Variants in SKAP2 observed in about 807,000 individuals in gnomAD.
The protein encoded by SKAP2 is src kinase associated phosphoprotein 2, also known as src kinase-associated phosphoprotein 2.
SKAP2 carries 28 observed loss-of-function variants against 54.9 expected under a neutral mutation model. That is an observed-to-expected ratio of 0.51 (90% CI 0.38 to 0.70). The LOEUF (loss-of-function observed/expected upper bound fraction) is 0.70, where lower values mean the gene tolerates loss of function less well. Ranked by LOEUF, SKAP2 falls within the 30% of genes least tolerant of loss-of-function variation. The pLI, the probability that SKAP2 is intolerant of heterozygous loss-of-function variation, is 0.00. For synonymous variants in SKAP2, 137 were observed against 134.3 expected (o/e 1.02, Z -0.14); for missense variants, 356 against 424.1 (o/e 0.84, Z 1.41).
chr7:26,780,309 T>C (rs944380020), intron 4 of SKAP2, among the ~76,000 whole-genome samples: 2 of 152,142 alleles, frequency 1.3e-5, no homozygotes, highest in African/African-American at 4.8e-5. Context: ...TGTTTTATTC[T>C]GCTTAGTTCA....
intron 4 of SKAP2, among the ~76,000 whole-genome samples, chr7:26,795,992 C>CA (rs1783770103): frequency 6.6e-6 from 1 of 151,968 alleles, no homozygotes; most frequent in African/African-American, 2.4e-5. Flanking sequence ...TGAAAAAACT[C>CA]AGAGATGACC....
intron 11 of SKAP2, among the ~76,000 whole-genome samples, chr7:26,680,147 G>A (rs1786459233): frequency 6.6e-6 from 1 of 152,044 alleles, no homozygotes; most frequent in South Asian, 2.1e-4. Flanking sequence ...ATAGTTTATT[G>A]CTTTAAAAGT....
intron 4 of SKAP2, among the ~76,000 whole-genome samples, chr7:26,815,384 TTTAGGTGCATTC>T (rs1784244817): frequency 6.6e-6 from 1 of 152,082 alleles, no homozygotes; most frequent in Non-Finnish European, 1.5e-5. Context: ...ATAGGATTTG[TTTAGGTGCATTC>T]TACTTTTTTC....
At chr7:26,840,641 A>C (rs1030423089) in intron 4 of SKAP2, among the ~76,000 whole-genome samples, 1 of 152,078 alleles carries the variant, frequency 6.6e-6, no homozygotes, top group Non-Finnish European at 1.5e-5. Flanking sequence ...ATCCAGCCAC[A>C]TGATAGCATA....
intron 3 of SKAP2, among the ~76,000 whole-genome samples, chr7:26,844,930 T>C (rs1784893132): frequency 6.6e-6 from 1 of 152,188 alleles, no homozygotes; most frequent in Non-Finnish European, 1.5e-5. Context: ...CCACAAGATC[T>C]TGTGGTTTCA....
intron 9 of SKAP2, among the ~76,000 whole-genome samples, chr7:26,717,195 A>C (rs1787465639): frequency 6.6e-6 from 1 of 152,120 alleles, no homozygotes; most frequent in Admixed American, 6.5e-5. Flanking sequence ...GGAGAGAAAC[A>C]GGGGAAGTGG....
intron 3 of SKAP2, among the ~76,000 whole-genome samples, chr7:26,849,025 G>A (rs1000426704): frequency 6.6e-6 from 1 of 152,292 alleles, no homozygotes; most frequent in Admixed American, 6.5e-5. Context: ...GGCCAATGGT[G>A]GGGGTAGGTG....
intron 9 of SKAP2, among the ~76,000 whole-genome samples, chr7:26,719,339 G>T (rs559766556): frequency 2.0e-5 from 3 of 152,120 alleles, no homozygotes; most frequent in Non-Finnish European, 4.4e-5. Flanking sequence ...TCTAACTCCA[G>T]GGGCAGAGAT....
At chr7:26,789,685 G>C (rs540746732) in intron 4 of SKAP2, among the ~76,000 whole-genome samples, 1 of 152,062 alleles carries the variant, frequency 6.6e-6, no homozygotes, top group Non-Finnish European at 1.5e-5. Flanking sequence ...CTGTCAACTG[G>C]CTTGAATTCA....
chr7:26,806,253 T>A (rs548909379), intron 4 of SKAP2, among the ~76,000 whole-genome samples: 20 of 152,256 alleles, frequency 1.3e-4, no homozygotes, highest in Middle Eastern at 3.4e-3. Flanking sequence ...AAAGGAAGAA[T>A]CACACACCTC....
intron 4 of SKAP2, among the ~76,000 whole-genome samples, chr7:26,796,111 C>T (rs906482395): frequency 6.6e-6 from 1 of 152,124 alleles, no homozygotes; most frequent in Non-Finnish European, 1.5e-5. Context: ...ATACAAATAT[C>T]TATTATAAAA....
chr7:26,740,109 C>G (rs1782402035), intron 4 of SKAP2, 145 bp from the exon 5 acceptor site: 1 of 512,866 alleles, frequency 1.9e-6, no homozygotes, highest in Non-Finnish European at 3.4e-6. Context: ...CAGATCCATT[C>G]CCTAGATTAA....
intron 4 of SKAP2, among the ~76,000 whole-genome samples, chr7:26,776,584 T>A (rs1783314403): frequency 6.6e-6 from 1 of 152,118 alleles, no homozygotes; most frequent in South Asian, 2.1e-4. Flanking sequence ...AATCAGTCTC[T>A]AAGTCCCATC....
chr7:26,788,340 T>C (rs1250637044), intron 4 of SKAP2, among the ~76,000 whole-genome samples: 3 of 151,968 alleles, frequency 2.0e-5, no homozygotes, highest in East Asian at 3.9e-4. Flanking sequence ...AGAACCTTTC[T>C]ATCCCTTCAT....
intron 9 of SKAP2, among the ~76,000 whole-genome samples, chr7:26,717,509 CAAAAAAAAAAAAAAAAAA>C (rs58826714): frequency 0.16 from 3,681 of 23,398 alleles, 321 homozygotes; most frequent in African/African-American, 0.33. Context: ...GACCCCATCT[CAAAAAAAAAAAAAAAAAA>C]AAAAAAAAAA....
intron 11 of SKAP2, among the ~76,000 whole-genome samples, chr7:26,673,393 G>A (rs537105310): frequency 6.6e-6 from 1 of 152,128 alleles, no homozygotes; most frequent in Non-Finnish European, 1.5e-5. Flanking sequence ...TCCCTTTGTA[G>A]GACGTGTAAT....
intron 4 of SKAP2, among the ~76,000 whole-genome samples, chr7:26,764,373 A>T (rs561356441): frequency 6.6e-6 from 1 of 152,328 alleles, no homozygotes; most frequent in South Asian, 2.1e-4. Context: ...ACTCCTGTTG[A>T]ACCGTAAACT....
chr7:26,693,867 G>C (rs573472980), intron 9 of SKAP2, among the ~76,000 whole-genome samples: 7 of 152,016 alleles, frequency 4.6e-5, no homozygotes, highest in Non-Finnish European at 1.0e-4. Context: ...CAAATATGGT[G>C]TATGTTTTTG....
intron 1 of SKAP2, chr7:26,857,339 T>TA: frequency 6.5e-6 from 1 of 153,904 alleles, no homozygotes; most frequent in Non-Finnish European, 9.7e-6. Context: ...AAAAAAACTT[T>TA]AAACTGGAAG....
Sources: gnomAD v4.1 joint callset for allele counts (sites outside exome capture counted in the v4.1 genomes callset) on GRCh38, gnomAD v4.1.1 for gene constraint, MANE v1.5 for transcripts, NCBI Gene and HGNC (gene_info 2026-07-23, HGNC 2026-07-21) for gene names.